Variants in WAC observed in about 807,000 individuals in gnomAD.
The protein encoded by WAC is WW domain-containing adapter protein with coiled-coil.
Under a neutral mutation model 79.6 loss-of-function variants are expected in WAC, and 11 were observed. The observed-to-expected ratio is 0.14, with a 90% CI of 0.09 to 0.23. The LOEUF is 0.23. Among genes scored for constraint, WAC ranks in the 10% least tolerant of loss-of-function variants. WAC has a pLI of 1.00. For synonymous variants in WAC, 304 were observed against 276.9 expected, an observed-to-expected ratio of 1.10 and a Z score of -0.97; for missense variants, 728 against 773.5, an observed-to-expected ratio of 0.94 and a Z score of 0.70.
chr10:28,600,197 T>G (rs1037443454), intron 7 of WAC, among the ~76,000 whole-genome samples: 1 of 148,990 alleles, frequency 6.7e-6, no homozygotes, highest in Non-Finnish European at 1.5e-5. Flanking sequence ...TCAAGCTAGC[T>G]CTCCGTATGA....
At chr10:28,614,479 T>C in intron 10 of WAC, 88 bp from the exon 11 acceptor site, 1 of 1,106,042 alleles carries the variant, frequency 9.0e-7, no homozygotes, top group Non-Finnish European at 1.4e-6. Context: ...CTGCCACATT[T>C]TACATGTTTC....
intron 2 of WAC, chr10:28,535,275 C>G (rs1448937965): frequency 3.3e-5 from 8 of 240,662 alleles, no homozygotes; most frequent in Non-Finnish European, 3.1e-5. Flanking sequence ...TATTCTCAGC[C>G]AAATTTTTTT....
intron 13 of WAC, 166 bp downstream of exon 13, chr10:28,617,950 T>TA (rs1362887547): frequency 2.5e-6 from 2 of 796,490 alleles, no homozygotes; most frequent in Non-Finnish European, 3.5e-6. Context: ...TCGTGAAGGA[T>TA]AAAGCCTGTC....
At chr10:28,543,491 T>C (rs1468987493) in intron 3 of WAC, among the ~76,000 whole-genome samples, 1 of 152,260 alleles carries the variant, frequency 6.6e-6, no homozygotes, top group Admixed American at 6.5e-5. Context: ...ATGTGTTTAA[T>C]TGCCACATGT....
chr10:28,610,727 A>G lies in WAC; in HGVS notation c.1194A>G (p.Ser398=), dbSNP rs773985016. 6.2e-7 allele frequency: 1 copy of G among 1,611,050 alleles called. No homozygotes were observed. The highest frequency in any genetic ancestry group is 2.2e-5 in the East Asian group (1 of 44,770). ...EVLTAAVTQA[S]LQSIIHKFLT... ...TTACAGCAGCTGTGACACAAGCCTC[A>G]CTGCAGTCTATAATTCATAAGTTTC... The change falls in exon 9 of 14, where the codon TCA becomes TCG. Residue 398 remains serine, a synonymous_variant. Transcript: ENST00000354911.
intron 4 of WAC, among the ~76,000 whole-genome samples, chr10:28,584,547 AT>A (rs1419547118): frequency 6.6e-6 from 1 of 152,186 alleles, no homozygotes; most frequent in African/African-American, 2.4e-5. Flanking sequence ...AATTTAAAAA[AT>A]TATCTCGGGT....
At chr10:28,583,552 C>A (rs200640339) in intron 4 of WAC, 47 bp downstream of exon 4, 8,800 of 827,346 alleles carry the variant, frequency 0.011, 1 homozygote, top group South Asian at 0.032. Flanking sequence ...GAATTTTTTG[C>A]AAAAAAAAAA....
rs181666690 is a variant in WAC at position 28,563,093 on chromosome 10, T to G, written c.275-20306T>G. ...TATTCAATTTTATTTTTTGTAGAGA[T>G]AGGGTTTCACCATGTTGGCCAGGGT... On this transcript the variant is annotated intron_variant, in intron 3 of 13. Transcript: ENST00000354911. Among the ~76,000 whole-genome samples, 904 of 152,278 alleles carry G rather than the reference T, an allele frequency of 5.9e-3. 13 individuals are homozygous for G. Among genetic ancestry groups the G allele is most frequent in the African/African-American group, 0.021 (858 of 41,546 alleles).
Position 28,616,327 on chromosome 10 carries a change from G to A in WAC, c.1711G>A (p.Val571Ile), listed in dbSNP as rs754896919. 62 of 1,612,608 alleles carry A rather than the reference G, an allele frequency of 3.8e-5. No individual in the cohort carries two copies. Among genetic ancestry groups the A allele is most frequent in the Non-Finnish European group, 4.9e-5 (58 of 1,179,102 alleles). ...CTTCAGTGAAAATCTCATAAAACAC[G>A]TTCAAGGATGGCCTGCAGATCATGC... is the stretch of plus-strand genomic sequence containing the variant. ...AHFSENLIKH[V>I]QGWPADHAEK... Residue 571 changes from valine (V) to isoleucine (I), a missense_variant, in exon 12 of 14, where the codon GTT becomes ATT. Physicochemically the swap from Val to Ile is conservative, Grantham distance 29 (BLOSUM62 3). Around this residue, in one of 3 missense-constraint regions of WAC, gnomAD observed 14 missense variants for 33.1 expected, o/e 0.42. Transcript: ENST00000354911.
chr10:28,612,047 G>C, intron 10 of WAC, 125 bp downstream of exon 10: 1 of 1,182,426 alleles, frequency 8.5e-7, no homozygotes, highest in Non-Finnish European at 1.2e-6. Context: ...TGAATGACAG[G>C]TATGATAGTA....
In WAC at chr10:28,534,130, C is replaced by T; in HGVS notation, c.78+96C>T. 3 of 1,239,288 alleles carry T rather than the reference C, an allele frequency of 2.4e-6. No individual in the cohort carries two copies. The South Asian group carries it at 4.5e-5, about 18-fold the overall frequency. The allele number at this position is 1,239,288 out of a possible 1,614,324, so 76.8% of individuals were successfully genotyped here. On this transcript the variant is annotated intron_variant, in intron 2 of 13. Transcript: ENST00000354911. ...GCAGGCCTCAGAAGTCGATACAGGC[C>T]CTTCGGTGCAACACATCTGAAACTA... is the stretch of plus-strand genomic sequence containing the variant.
chr10:28,556,624 T>C (rs949255099), intron 3 of WAC, among the ~76,000 whole-genome samples: 6 of 152,110 alleles, frequency 3.9e-5, no homozygotes, highest in Non-Finnish European at 8.8e-5. Context: ...TTCAAAAAAT[T>C]ATTGCCAAGA....
At chr10:28,587,352 A>G (rs978382482) in intron 4 of WAC, among the ~76,000 whole-genome samples, 1 of 152,240 alleles carries the variant, frequency 6.6e-6, no homozygotes, top group African/African-American at 2.4e-5. Flanking sequence ...CTGTTATGAT[A>G]CATCCAGTGT....
At position 28,617,720 on chromosome 10, in the gene WAC, G is replaced by A. The variant is rs754688552; in HGVS notation, c.1810G>A (p.Glu604Lys). ...TATTCACATGTCCGAAATTTGTACT[G>A]AATTAAAAAATTTAAGATCTTTAGT... ...GTIHMSEICTELKNLRSLVRV... is the reference protein window; with the variant it reads ...GTIHMSEICTKLKNLRSLVRV... Residue 604 changes from glutamate to lysine, a missense_variant, in exon 13 of 14, where the codon GAA becomes AAA. Physicochemically the swap from Glu to Lys is moderately conservative, Grantham distance 56. Around this residue, in one of 3 missense-constraint regions of WAC, gnomAD observed 66 missense variants for 78.9 expected, o/e 0.84. Transcript: ENST00000354911. 1 of 1,598,092 alleles carries A rather than the reference G, an allele frequency of 6.3e-7. No homozygotes were observed. The highest frequency in any genetic ancestry group is 1.2e-5 in the South Asian group (1 of 85,264).
intron 3 of WAC, among the ~76,000 whole-genome samples, chr10:28,552,793 C>T (rs1309395131): frequency 2.1e-5 from 3 of 140,554 alleles, no homozygotes; most frequent in African/African-American, 8.0e-5. Context: ...TGGATGTTGT[C>T]GTTTTTATTT....
At chr10:28,573,426 G>C (rs768634210) in intron 3 of WAC, among the ~76,000 whole-genome samples, 4 of 151,932 alleles carry the variant, frequency 2.6e-5, no homozygotes, top group Non-Finnish European at 5.9e-5. Flanking sequence ...CTTTCACTTA[G>C]TGTTTGCAAA....
At chr10:28,550,665 T>C (rs982900339) in intron 3 of WAC, among the ~76,000 whole-genome samples, 2 of 152,168 alleles carry the variant, frequency 1.3e-5, no homozygotes, top group Non-Finnish European at 2.9e-5. Context: ...CCTCAAACTT[T>C]TAAGTGCATT....
intron 2 of WAC, 179 bp downstream of exon 2, chr10:28,534,213 T>C (rs1836482056): frequency 1.9e-6 from 1 of 522,672 alleles, no homozygotes; most frequent in Non-Finnish European, 3.3e-6. Context: ...TCCAGCAAGG[T>C]TTAGTGACTT....
At chr10:28,541,420 GTTTTTTTTTTTTTTTT>G (rs869099181) in intron 3 of WAC, among the ~76,000 whole-genome samples, 3 of 49,210 alleles carry the variant, frequency 6.1e-5, no homozygotes, top group Non-Finnish European at 9.9e-5. Context: ...TGTGTGTTTT[GTTTTTTTTTTTTTTTT>G]TTTTTTTTTT....
Sources: gnomAD v4.1 joint callset for allele counts (sites outside exome capture counted in the v4.1 genomes callset) on GRCh38, gnomAD v4.1.1 for gene constraint, gnomAD v4.1.1 regional missense constraint, MANE v1.5 for transcripts, NCBI Gene and HGNC (gene_info 2026-07-23, HGNC 2026-07-21) for gene names.